Variants in LASP1 observed in about 807,000 individuals in gnomAD.
LASP1 encodes LIM and SH3 protein 1.
Under a neutral mutation model 38.6 loss-of-function variants are expected in LASP1, and 10 were observed. That is an observed-to-expected ratio of 0.26 (90% CI 0.16 to 0.44). The LOEUF is 0.44. Ranked by LOEUF, LASP1 falls within the 20% of genes least tolerant of loss-of-function variation. LASP1 has a pLI of 1.00. For missense variants in LASP1, 243 were observed against 375.7 expected (o/e 0.65, Z 2.92); for synonymous variants, 132 against 140.8 (o/e 0.94, Z 0.44).
At chr17:38,912,238 G>A (rs683234) in intron 4 of LASP1, among the ~76,000 whole-genome samples, 50,067 of 152,238 alleles carry the variant, frequency 0.33, 8,415 homozygotes, top group Middle Eastern at 0.51. Context: ...GGCCGGTTCT[G>A]GGCTGGCCCA....
chr17:38,901,961 G>C (rs946589459), intron 4 of LASP1, among the ~76,000 whole-genome samples: 1 of 152,054 alleles, frequency 6.6e-6, no homozygotes, highest in Non-Finnish European at 1.5e-5. Context: ...TAGAGATGGG[G>C]TTTCGCCGTG....
chr17:38,905,530 C>CA (rs35515925), intron 4 of LASP1, among the ~76,000 whole-genome samples: 1,984 of 93,008 alleles, frequency 0.021, 121 homozygotes, highest in African/African-American at 0.076. Context: ...GACTCCATCT[C>CA]AAAAAAAAAA....
chr17:38,884,760 G>A (rs1914064717), intron 2 of LASP1, among the ~76,000 whole-genome samples: 1 of 139,522 alleles, frequency 7.2e-6, no homozygotes, highest in South Asian at 2.2e-4. Context: ...GTGTGATCTC[G>A]GCTCACTACA....
At position 38,914,464 on chromosome 17, in the gene LASP1, C is replaced by G. The variant is rs1440812116; in HGVS notation, c.497C>G (p.Thr166Ser). 3 of 1,605,842 alleles carry G rather than the reference C, an allele frequency of 1.9e-6. No individual in the cohort carries two copies. The highest frequency in any genetic ancestry group is 3.4e-5 in the Admixed American group (2 of 59,530). The change falls in exon 5 of 7, where the codon ACC (threonine) becomes AGC (serine). Residue 166 changes from threonine to serine, a missense_variant. By Grantham distance (58) the Thr-to-Ser change is moderately conservative. This residue lies in a region of LASP1 where 165 missense variants were observed against 210.3 expected (regional missense o/e 0.78). Transcript: ENST00000318008. ...LEQQQPHHIPTSAPVYQQPQQ... is the reference protein window; with the variant it reads ...LEQQQPHHIPSSAPVYQQPQQ... The stretch of plus-strand genomic sequence containing the variant: ...CAGCAGCAGCCTCACCACATCCCGA[C>G]CAGTGCCCCGGGTGAGTGCAGGTCC...
chr17:38,897,504 C>G (rs2143787120), intron 3 of LASP1, among the ~76,000 whole-genome samples: 1 of 152,334 alleles, frequency 6.6e-6, no homozygotes, highest in South Asian at 2.1e-4. Flanking sequence ...TTTCCTGTTC[C>G]ATGAGTTTTC....
chr17:38,886,076 G>A (rs1481443560), intron 2 of LASP1, among the ~76,000 whole-genome samples: 3 of 151,160 alleles, frequency 2.0e-5, no homozygotes, highest in East Asian at 1.9e-4. Flanking sequence ...CTCAACCCCC[G>A]TAGACCTCTC....
chr17:38,874,912 A>ACACCC (rs1265172975), intron 1 of LASP1, among the ~76,000 whole-genome samples: 1 of 151,912 alleles, frequency 6.6e-6, no homozygotes, highest in Non-Finnish European at 1.5e-5. Context: ...CCTGCTCAGT[A>ACACCC]CACCCCACCC....
intron 1 of LASP1, among the ~76,000 whole-genome samples, chr17:38,873,055 C>T (rs995462503): frequency 6.6e-6 from 1 of 152,170 alleles, no homozygotes; most frequent in Admixed American, 6.6e-5. Flanking sequence ...CTACTTTGTG[C>T]ACCTGCTTTG....
intron 4 of LASP1, among the ~76,000 whole-genome samples, chr17:38,907,943 G>C (rs1248056971): frequency 6.6e-6 from 1 of 152,176 alleles, no homozygotes; most frequent in African/African-American, 2.4e-5. Context: ...ACCCAGAGGG[G>C]AAAGTGACTC....
intron 4 of LASP1, among the ~76,000 whole-genome samples, chr17:38,913,609 G>A (rs1260586178): frequency 1.3e-5 from 2 of 152,170 alleles, no homozygotes; most frequent in African/African-American, 4.8e-5. Flanking sequence ...CACCTAGCAC[G>A]GCCCTGGCGC....
At chr17:38,899,747 C>CTTTTTTTTTTTTTTTTTT (rs34397105) in intron 4 of LASP1, among the ~76,000 whole-genome samples, 4 of 136,180 alleles carry the variant, frequency 2.9e-5, no homozygotes, top group Non-Finnish European at 3.1e-5. Flanking sequence ...GCGTTCAGAT[C>CTTTTTTTTTTTTTTTTTT]TTTTTTTTTT....
intron 1 of LASP1, among the ~76,000 whole-genome samples, chr17:38,874,685 T>C (rs1012269575): frequency 3.3e-5 from 5 of 152,162 alleles, no homozygotes; most frequent in Non-Finnish European, 7.4e-5. Flanking sequence ...GGTTTCCATG[T>C]TTCTGCTCAG....
chr17:38,914,677 G>GACACACAC (rs10599326), intron 5 of LASP1, among the ~76,000 whole-genome samples: 15 of 146,770 alleles, frequency 1.0e-4, no homozygotes, highest in South Asian at 8.8e-4. Flanking sequence ...GCGAGAGACA[G>GACACACAC]ACACACACAC....
At chr17:38,890,549 G>C (rs558926228) in intron 3 of LASP1, 45 bp downstream of exon 3, 2 of 1,566,454 alleles carry the variant, frequency 1.3e-6, no homozygotes, top group South Asian at 2.2e-5. Flanking sequence ...AGGGATGCTG[G>C]GGAGGGAAGT....
chr17:38,899,886 C>T (rs1173158760), intron 4 of LASP1, among the ~76,000 whole-genome samples: 8 of 151,690 alleles, frequency 5.3e-5, no homozygotes, highest in Non-Finnish European at 1.2e-4. Context: ...CACACCACCA[C>T]CCCCGGCCAA....
chr17:38,907,161 G>C (rs1472736050), intron 4 of LASP1, among the ~76,000 whole-genome samples: 2 of 152,196 alleles, frequency 1.3e-5, no homozygotes, highest in Non-Finnish European at 2.9e-5. Context: ...CTGGCGAGGG[G>C]AAGGAGAGGA....
rs377465968 is a variant in LASP1 at position 38,885,381 on chromosome 17, T to C, written c.165-5039T>C. On this transcript the variant is annotated intron_variant, in intron 2 of 6. Transcript: ENST00000318008. ...TGCTTTGTGTCTCTGTAAATTGTCC[T>C]GAAGCCCGAGGCTGCTGCCAATAGC... Among the ~76,000 whole-genome samples, 23 of 152,384 alleles carry C rather than the reference T, an allele frequency of 1.5e-4. 1 individual carries two copies. In the East Asian group the frequency reaches 2.5e-3, roughly 17 times the overall value.
chr17:38,889,590 T>C (rs1030947152), intron 2 of LASP1, among the ~76,000 whole-genome samples: 4 of 152,220 alleles, frequency 2.6e-5, no homozygotes, highest in Admixed American at 2.0e-4. Context: ...CAGTCAATAA[T>C]TTTGTTTCAT....
At chr17:38,880,333 C>T (rs938179039) in intron 2 of LASP1, among the ~76,000 whole-genome samples, 6 of 152,344 alleles carry the variant, frequency 3.9e-5, no homozygotes, top group Middle Eastern at 3.4e-3. Context: ...TTCCAGCTTA[C>T]TGTTTTTACT....
Sources: gnomAD v4.1 joint callset for allele counts (sites outside exome capture counted in the v4.1 genomes callset) on GRCh38, gnomAD v4.1.1 for gene constraint, gnomAD v4.1.1 regional missense constraint, MANE v1.5 for transcripts, NCBI Gene and HGNC (gene_info 2026-07-23, HGNC 2026-07-21) for gene names.